FAM221A: variants seen among roughly 807,000 people sequenced by gnomAD.
FAM221A encodes protein FAM221A.
FAM221A carries 43 observed loss-of-function variants against 37.6 expected under a neutral mutation model. The observed-to-expected ratio is 1.15, with a 90% CI of 0.90 to 1.48. FAM221A has a LOEUF of 1.48. FAM221A is among the 40% of genes most tolerant of loss of function. The pLI, the probability that FAM221A is intolerant of heterozygous loss-of-function variation, is 0.00. For synonymous variants in FAM221A, 135 were observed against 132.9 expected (o/e 1.02, Z -0.11); for missense variants, 361 against 361.5 (o/e 1.00, Z 0.01).
chr7:23,695,850 C>G (rs1785025572), intron 4 of FAM221A, among the ~76,000 whole-genome samples: 1 of 152,096 alleles, frequency 6.6e-6, no homozygotes, highest in Non-Finnish European at 1.5e-5. Flanking sequence ...TTTTCCTCTT[C>G]CTTTCCAATA....
At chr7:23,682,360 C>T (rs1784091852) in intron 1 of FAM221A, among the ~76,000 whole-genome samples, 1 of 144,492 alleles carries the variant, frequency 6.9e-6, no homozygotes, top group Non-Finnish European at 1.5e-5. Flanking sequence ...GCCACCACAT[C>T]TGGCTTTATC....
chr7:23,686,271 T>A, intron 2 of FAM221A: 2 of 435,954 alleles, frequency 4.6e-6, no homozygotes, highest in Non-Finnish European at 9.1e-6. Flanking sequence ...ACTCAACTTT[T>A]TTTTTTTTTT....
At chr7:23,689,907 C>A (rs929710836) in intron 3 of FAM221A, among the ~76,000 whole-genome samples, 5 of 151,800 alleles carry the variant, frequency 3.3e-5, no homozygotes, top group Non-Finnish European at 7.4e-5. Context: ...TGCAGTAATA[C>A]CCTTACCTTA....
At chr7:23,690,582 G>A (rs1784686191) in intron 3 of FAM221A, among the ~76,000 whole-genome samples, 1 of 152,052 alleles carries the variant, frequency 6.6e-6, no homozygotes, top group Admixed American at 6.5e-5. Context: ...ATTACAATGT[G>A]GCTTGATTTT....
intron 4 of FAM221A, among the ~76,000 whole-genome samples, chr7:23,697,547 G>C (rs192413563): frequency 1.3e-5 from 2 of 152,120 alleles, no homozygotes; most frequent in Non-Finnish European, 1.5e-5. Flanking sequence ...AAGGAATAGA[G>C]TAAAAATACA....
At chr7:23,693,695 CT>C (rs1784881144) in intron 4 of FAM221A, 1 of 151,458 alleles carries the variant, frequency 6.6e-6, no homozygotes. Flanking sequence ...TTATGTTTAG[CT>C]TTTTCATATA....
chr7:23,687,587 A>G (rs1217373984), intron 2 of FAM221A: 1 of 150,566 alleles, frequency 6.6e-6, no homozygotes, highest in Non-Finnish European at 1.5e-5. Context: ...CAAAGAATGG[A>G]CCTTTTCAAG....
rs752050425 is a variant in FAM221A, at chr7:23,689,342, G to A, written c.313G>A (p.Gly105Ser). 1.6e-5 allele frequency: 26 copies of A among 1,604,004 alleles called. No homozygotes were observed. The Admixed American group carries it at 3.7e-4, about 23-fold the overall frequency. Residue 105 changes from glycine (G) to serine (S), a missense_variant, in exon 3 of 7, where the codon GGC (glycine) becomes AGC (serine). Transcript: ENST00000344962. ...CPIDLPCQVT[G>S]CQCRAYLYVP... ...CATTGATCTGCCCTGCCAAGTGACT[G>A]GCTGCCAGTGCAGGGCTTACCTTTA...
intron 5 of FAM221A, among the ~76,000 whole-genome samples, 161 bp downstream of exon 5, chr7:23,698,460 A>G (rs1785198533): frequency 6.6e-6 from 1 of 152,236 alleles, no homozygotes; most frequent in Non-Finnish European, 1.5e-5. Context: ...ACACTGAGAA[A>G]AAGCAAGCAA....
intron 4 of FAM221A, chr7:23,692,387 G>A: frequency 3.2e-6 from 1 of 308,738 alleles, no homozygotes; most frequent in Non-Finnish European, 4.7e-6. Context: ...TCTTGCCCAG[G>A]CTGGAGTGCA....
Position 23,691,473 on chromosome 7 carries a change from A to G in FAM221A, c.514A>G (p.Lys172Glu). 6.2e-7 allele frequency: 1 copy of G among 1,614,238 alleles called. No homozygotes were observed. Among genetic ancestry groups the G allele is most frequent in the Non-Finnish European group, 8.5e-7 (1 of 1,180,046 alleles). Residue 172 changes from lysine (K) to glutamate (E), a missense_variant, in exon 4 of 7, where the codon AAG (lysine) becomes GAG (glutamate). Lys to Glu is a moderately conservative substitution (Grantham distance 56). Transcript: ENST00000344962. ...AYAHDTVVETKQERLAQEKPV... is the reference protein window; with the variant it reads ...AYAHDTVVETEQERLAQEKPV... ...TGCCCATGACACAGTAGTGGAAACT[A>G]AGCAAGAAAGATTGGCTCAGGAAAA...
intron 5 of FAM221A, among the ~76,000 whole-genome samples, chr7:23,699,476 A>G (rs927248325): frequency 6.6e-6 from 1 of 150,988 alleles, no homozygotes; most frequent in Admixed American, 6.6e-5. Flanking sequence ...TGACCAAGGT[A>G]AAAGCTTTTT....
intron 6 of FAM221A, among the ~76,000 whole-genome samples, chr7:23,701,132 G>A (rs530552567): frequency 6.6e-6 from 1 of 151,768 alleles, no homozygotes; most frequent in Non-Finnish European, 1.5e-5. Flanking sequence ...ATCAATATCA[G>A]CAGATTTGTA....
rs1785510246 is a variant in FAM221A, at chr7:23,702,322, T to C, written c.*158T>C. On this transcript the variant is annotated 3_prime_UTR_variant, in exon 7 of 7. Coordinates refer to ENST00000344962, the MANE Select transcript of FAM221A (RefSeq NM_199136.5). ...CTTAATTTATTTAAATAACTAAAAA[T>C]GCCTATTACTTTTGTCAAAACTCAT... is the stretch of plus-strand genomic sequence containing the variant. 1 of 463,084 alleles carries C rather than the reference T, an allele frequency of 2.2e-6. No homozygotes were observed. Among genetic ancestry groups the C allele is most frequent in the Non-Finnish European group, 3.8e-6 (1 of 264,166 alleles). 28.7% of individuals were successfully genotyped at this position (463,084 alleles called of 1,614,324 possible).
Position 23,680,222 on chromosome 7 carries a change from G to C in FAM221A, c.4G>C (p.Glu2Gln). The change falls in exon 1 of 7, where the codon GAG becomes CAG. Residue 2 changes from glutamate (E) to glutamine (Q), a missense_variant. Coordinates refer to ENST00000344962, the MANE Select transcript of FAM221A (RefSeq NM_199136.5). ...GCCTTTGGCTTCCCCACCGGCAATG[G>C]AGCGGTTGACGTTGCCTCTCGGCGG... Reference protein sequence around the residue: MERLTLPLGGAA... With the variant: MQRLTLPLGGAA... The C allele has an allele frequency of 1.3e-6, 2 of 1,549,822 alleles. No individual in the cohort carries two copies. The highest frequency in any genetic ancestry group is 1.7e-6 in the Non-Finnish European group (2 of 1,146,078).
intron 5 of FAM221A, among the ~76,000 whole-genome samples, chr7:23,699,168 T>G (rs1785243981): frequency 6.7e-6 from 1 of 149,980 alleles, no homozygotes; most frequent in South Asian, 2.1e-4. Context: ...TCCAAGCTGG[T>G]GTGCAGTGGT....
chr7:23,689,030 T>C, intron 2 of FAM221A: 1 of 352,618 alleles, frequency 2.8e-6, no homozygotes. Context: ...TTTGTATTGC[T>C]GTGAAACAGC....
intron 5 of FAM221A, among the ~76,000 whole-genome samples, chr7:23,699,519 T>C (rs1265502975): frequency 6.7e-6 from 1 of 150,358 alleles, no homozygotes; most frequent in Non-Finnish European, 1.5e-5. Flanking sequence ...TGCTTGTTTC[T>C]GATAGTCACC....
chr7:23,692,400 G>A, intron 4 of FAM221A: 1 of 259,106 alleles, frequency 3.9e-6, no homozygotes, highest in Non-Finnish European at 6.0e-6. Context: ...GGAGTGCAAT[G>A]GCGCGATCTC....
Sources: allele counts gnomAD v4.1 joint callset (sites outside exome capture counted in the v4.1 genomes callset), GRCh38; gene constraint gnomAD v4.1.1; transcripts MANE v1.5; gene names NCBI Gene and HGNC (gene_info 2026-07-23, HGNC 2026-07-21).